Variants in MOB3A observed in about 807,000 individuals in gnomAD.
The protein encoded by MOB3A is MOB LAK.
In MOB3A, 17 loss-of-function variants were observed where a neutral mutation model predicts 17.8. The observed-to-expected ratio is 0.95, with a 90% CI of 0.65 to 1.43. The LOEUF is 1.43. Among genes scored for constraint, MOB3A ranks in the 40% most tolerant of loss-of-function variants. MOB3A has a pLI of 0.00. For missense variants in MOB3A, 333 were observed against 310.8 expected, an observed-to-expected ratio of 1.07 and a Z score of -0.54; for synonymous variants, 124 against 133.2, an observed-to-expected ratio of 0.93 and a Z score of 0.48.
chr19:2,091,950 T>G (rs2017618460), intron 1 of MOB3A, among the ~76,000 whole-genome samples: 1 of 149,926 alleles, frequency 6.7e-6, no homozygotes, highest in Non-Finnish European at 1.5e-5. Context: ...TGAGCCGAGA[T>G]TGTGCCACTG....
chr19:2,092,194 G>A (rs1039609586), intron 1 of MOB3A, among the ~76,000 whole-genome samples: 2 of 148,764 alleles, frequency 1.3e-5, no homozygotes, highest in South Asian at 4.3e-4. Context: ...TCAACCTCCT[G>A]GGCTCAAATG....
chr19:2,073,309 G>C lies in MOB3A; in HGVS notation c.*86C>G. 1 of 1,544,734 alleles carries C rather than the reference G, an allele frequency of 6.5e-7. No homozygotes were observed. The highest frequency in any genetic ancestry group is 8.9e-7 in the Non-Finnish European group (1 of 1,123,510). On this transcript the variant is annotated 3_prime_UTR_variant, in exon 5 of 5. Transcript: ENST00000357066. Reference sequence around the variant, plus strand: ...CTCCCTGAGATGCTCAGGCCGGAGAGAAGCGGGATGATGGTTCCAGAGCGT... The same window carrying C: ...CTCCCTGAGATGCTCAGGCCGGAGACAAGCGGGATGATGGTTCCAGAGCGT...
chr19:2,081,907 G>A (rs930248692), intron 2 of MOB3A, among the ~76,000 whole-genome samples: 23 of 152,224 alleles, frequency 1.5e-4, no homozygotes, highest in South Asian at 2.1e-4. Flanking sequence ...AACACAACAC[G>A]GTGCCCACTG....
rs1157423970 is a variant in MOB3A at position 2,078,227 on chromosome 19, C to A, written c.334G>T (p.Ala112Ser). 2 of 1,613,652 alleles carry A rather than the reference C, an allele frequency of 1.2e-6. No homozygotes were observed. Among genetic ancestry groups the A allele is most frequent in the Admixed American group, 3.3e-5 (2 of 59,956 alleles). ...QDEHKFRKPTALSAPRYMDLL... is the reference protein window; with the variant it reads ...QDEHKFRKPTSLSAPRYMDLL... ...TCCATGTACCTGGGCGCGGAGAGTGCCGTGGGCTTCCGGAACTTATGCTCA... is the reference window on the plus strand; with the variant it reads ...TCCATGTACCTGGGCGCGGAGAGTGACGTGGGCTTCCGGAACTTATGCTCA... The change falls in exon 3 of 5, where the codon GCA (alanine) becomes TCA (serine). Residue 112 changes from alanine (A) to serine (S), a missense_variant. Transcript: ENST00000357066.
chr19:2,094,208 G>A (rs986084847), intron 1 of MOB3A, among the ~76,000 whole-genome samples: 14 of 151,884 alleles, frequency 9.2e-5, no homozygotes, highest in African/African-American at 3.4e-4. Flanking sequence ...CGCCACGCCC[G>A]GCTAATTTTT....
intron 1 of MOB3A, among the ~76,000 whole-genome samples, chr19:2,088,429 G>A (rs1317063038): frequency 6.6e-6 from 1 of 152,030 alleles, no homozygotes; most frequent in Non-Finnish European, 1.5e-5. Context: ...TCAGCCTCCT[G>A]CGTAGCTGGG....
rs373099729 is a variant in MOB3A at position 2,072,434 on chromosome 19, C to T, written c.*961G>A. The T allele has an allele frequency of 1.3e-5, 2 of 151,940 alleles. No homozygotes were observed. Among genetic ancestry groups the T allele is most frequent in the South Asian group, 2.1e-4 (1 of 4,822 alleles). 9.4% of individuals were successfully genotyped at this position (151,940 alleles called of 1,614,324 possible). On this transcript the variant is annotated 3_prime_UTR_variant, in exon 5 of 5. Coordinates refer to ENST00000357066, the MANE Select transcript of MOB3A (RefSeq NM_130807.3). ...CCAGTCTGGGCGACAGTGGGAGACT[C>T]CGTTCAAAAAAAATAAAAATCTCAA...
In MOB3A at chr19:2,071,791, G is replaced by A. The variant is rs958982249; in HGVS notation, c.*1604C>T. 6.5e-6 allele frequency: 1 copy of A among 154,012 alleles called. No homozygotes were observed. The highest frequency in any genetic ancestry group is 2.4e-5 in the African/African-American group (1 of 41,512). The allele number at this position is 154,012 out of a possible 1,614,324, so 9.5% of individuals were successfully genotyped here. ...AGAACTGGAAGATTCCAGACCAGGG[G>A]AGAGGCGTCCAGGGAGAGAAGAGTC... is the stretch of plus-strand genomic sequence containing the variant. On this transcript the variant is annotated 3_prime_UTR_variant, in exon 5 of 5. Coordinates refer to ENST00000357066, the MANE Select transcript of MOB3A (RefSeq NM_130807.3).
At chr19:2,077,843 G>A (rs1198699622) in intron 3 of MOB3A, among the ~76,000 whole-genome samples, 1 of 151,818 alleles carries the variant, frequency 6.6e-6, no homozygotes, top group Non-Finnish European at 1.5e-5. Context: ...GAGTACAGTG[G>A]CACGATCATA....
chr19:2,085,824 C>G (rs922550085), intron 1 of MOB3A, among the ~76,000 whole-genome samples: 9 of 151,352 alleles, frequency 5.9e-5, no homozygotes, highest in Admixed American at 2.0e-4. Context: ...AATAGCCGGG[C>G]GTAGTGGTGG....
In MOB3A at chr19:2,078,405, G is replaced by A; in HGVS notation, c.156C>T (p.Pro52=). ...GLDLRLAVQL[P]PGEDLNDWVA... is the part of the protein sequence containing the mutation. ...CCCAGTCGTTCAGGTCCTCGCCCGGGGGCAACTGCACGGCCAGCCGCAGGT... is the reference window on the plus strand; with the variant it reads ...CCCAGTCGTTCAGGTCCTCGCCCGGAGGCAACTGCACGGCCAGCCGCAGGT... Residue 52 remains proline, a synonymous_variant, in exon 3 of 5, where the codon CCC becomes CCT. Transcript: ENST00000357066. The A allele has an allele frequency of 1.9e-6, 3 of 1,614,100 alleles. No homozygotes were observed. Among genetic ancestry groups the A allele is most frequent in the South Asian group, 1.1e-5 (1 of 91,072 alleles).
At chr19:2,090,271 T>C (rs2017598656) in intron 1 of MOB3A, 1 of 152,324 alleles carries the variant, frequency 6.6e-6, no homozygotes, top group East Asian at 1.9e-4. Context: ...GGGAATTGTC[T>C]GTGCTTGGAG....
rs1475545906 is a variant in MOB3A, at chr19:2,071,145, C to G, written c.*2250G>C. The G allele has an allele frequency of 1.3e-5, 2 of 152,136 alleles. No homozygotes were observed. Among genetic ancestry groups the G allele is most frequent in the African/African-American group, 4.8e-5 (2 of 41,438 alleles). 9.4% of individuals were successfully genotyped at this position (152,136 alleles called of 1,614,324 possible). On this transcript the variant is annotated 3_prime_UTR_variant, in exon 5 of 5. Transcript: ENST00000357066. The stretch of plus-strand genomic sequence containing the variant: ...ACAGAGATGGTCCCTGCTCCCACCT[C>G]CCCGAGCCCACCTGGGAAGCTGCGT...
At chr19:2,073,454 C>T (rs756948502) in intron 4 of MOB3A, 30 bp from the exon 5 acceptor site, 4 of 1,613,830 alleles carry the variant, frequency 2.5e-6, no homozygotes, top group East Asian at 2.2e-5. Context: ...CATCAGCTCC[C>T]ACCAGCCACT....
chr19:2,093,456 C>A lies in MOB3A; in HGVS notation c.-274+2770G>T, dbSNP rs1233879303. ...GGAGGAGGCCTTCACTTCTGCCTTTCGGAATCCCAGAGAAGTCTCTGGAAC... is the reference window on the plus strand; with the variant it reads ...GGAGGAGGCCTTCACTTCTGCCTTTAGGAATCCCAGAGAAGTCTCTGGAAC... On this transcript the variant is annotated intron_variant, in intron 1 of 4. Transcript: ENST00000357066. This position sits in a 1 kb window ranked among gnomAD's most constrained non-coding sequence, Gnocchi z 4.6. Among the ~76,000 whole-genome samples the A allele has an allele frequency of 6.6e-6, 1 of 152,180 alleles. No individual in the cohort carries two copies. Among genetic ancestry groups the A allele is most frequent in the Non-Finnish European group, 1.5e-5 (1 of 68,036 alleles).
chr19:2,086,663 GTTTACT>G (rs2017557545), intron 1 of MOB3A, among the ~76,000 whole-genome samples: 1 of 152,052 alleles, frequency 6.6e-6, no homozygotes, highest in Non-Finnish European at 1.5e-5. Flanking sequence ...TGGCCTGAGG[GTTTACT>G]TTTAAACGTT....
rs1224980733 is a variant in MOB3A, at chr19:2,078,454, T to C, written c.107A>G (p.Gln36Arg). 6.2e-7 allele frequency: 1 copy of C among 1,613,192 alleles called. No homozygotes were observed. The highest frequency in any genetic ancestry group is 1.7e-4 in the Middle Eastern group (1 of 6,060). Residue 36 changes from glutamine (Q) to arginine (R), a missense_variant, in exon 3 of 5, where the codon CAG becomes CGG. By Grantham distance (43) the Gln-to-Arg change is conservative (BLOSUM62 1). Transcript: ENST00000357066. ...GTCCAGCCCGGCGTTCAGCGACGCC[T>C]GCGCCTTCTTGTGCAGCTCGAAGCG... Reference protein sequence around the residue: ...TQRFELHKKAQASLNAGLDLR... With the variant: ...TQRFELHKKARASLNAGLDLR...
In MOB3A at chr19:2,078,606, C is replaced by T. The variant is rs780544488; in HGVS notation, c.-46G>A. ...TGGACTTCTGTAGAGGGGTCCTGGG[C>T]CAGCTGGCTGGGGGTGCTGACCAAC... is the stretch of plus-strand genomic sequence containing the variant. On this transcript the variant is annotated 5_prime_UTR_variant, in exon 3 of 5. Transcript: ENST00000357066. 6 of 1,517,630 alleles carry T rather than the reference C, an allele frequency of 4.0e-6. No individual in the cohort carries two copies. The Admixed American group carries it at 1.1e-4, about 27-fold the overall frequency. The allele number at this position is 1,517,630 out of a possible 1,614,324, so 94.0% of individuals were successfully genotyped here.
rs142461485 is a variant in MOB3A at position 2,076,337 on chromosome 19, C to T, written c.624+474G>A. ...ATCCCAGCTACTTGGGAGGCTGAGG[C>T]AGGAGAATCACTTGAACTCGGGAGG... On this transcript the variant is annotated intron_variant, in intron 4 of 4. Transcript: ENST00000357066. 5.9e-3 allele frequency among the ~76,000 whole-genome samples: 897 copies of T among 152,110 alleles called. 14 individuals are homozygous for T. Among genetic ancestry groups the T allele is most frequent in the African/African-American group, 0.021 (868 of 41,476 alleles).
Sources: allele counts gnomAD v4.1 joint callset (sites outside exome capture counted in the v4.1 genomes callset), GRCh38; gene constraint gnomAD v4.1.1; non-coding constraint Gnocchi (gnomAD v3.1); transcripts MANE v1.5; gene names NCBI Gene and HGNC (gene_info 2026-07-23, HGNC 2026-07-21).